The following RTN4RL1 variants were observed in gnomAD, a reference collection of about 807,000 sequenced individuals.
RTN4RL1 encodes the protein reticulon-4 receptor-like 1.
RTN4RL1 carries 7 observed loss-of-function variants against 25.6 expected under a neutral mutation model. That is an observed-to-expected ratio of 0.27 (90% CI 0.16 to 0.51). RTN4RL1 has a LOEUF of 0.51. RTN4RL1 is among the 20% of genes least tolerant of loss of function. The pLI, the probability that RTN4RL1 is intolerant of heterozygous loss-of-function variation, is 0.97. For synonymous variants in RTN4RL1, 297 were observed against 288.2 expected, an observed-to-expected ratio of 1.03 and a Z score of -0.31; for missense variants, 500 against 615.6, an observed-to-expected ratio of 0.81 and a Z score of 1.99.
chr17:1,947,915 C>T (rs1915590546), intron 1 of RTN4RL1, among the ~76,000 whole-genome samples: 1 of 152,180 alleles, frequency 6.6e-6, no homozygotes, highest in Non-Finnish European at 1.5e-5. Flanking sequence ...CGGCTGGCTC[C>T]TCAGGTGCAC....
At chr17:1,949,929 A>T (rs893093933) in intron 1 of RTN4RL1, among the ~76,000 whole-genome samples, 6 of 152,248 alleles carry the variant, frequency 3.9e-5, no homozygotes, top group African/African-American at 1.4e-4. Context: ...TTCCAGGCAG[A>T]GGGCACAGCA....
At position 2,017,063 on chromosome 17, in the gene RTN4RL1, A is replaced by G. The variant is rs560719515; in HGVS notation, c.13+7790T>C. Among the ~76,000 whole-genome samples the G allele has an allele frequency of 3.0e-4, 46 of 152,344 alleles. 2 individuals are homozygous for G. The South Asian group carries it at 8.5e-3, about 28-fold the overall frequency. ...TATCCCCATCATCCTATCGCCGTAT[A>G]AATAAATCATGGTCAGAAGAATGCC... On this transcript the variant is annotated intron_variant, in intron 1 of 1. Coordinates refer to ENST00000331238, the MANE Select transcript of RTN4RL1 (RefSeq NM_178568.4).
At chr17:1,957,394 G>T (rs1218472706) in intron 1 of RTN4RL1, among the ~76,000 whole-genome samples, 3 of 152,204 alleles carry the variant, frequency 2.0e-5, no homozygotes, top group Non-Finnish European at 2.9e-5. Context: ...CCGTGGGGAA[G>T]GGAAGGGGGT....
Position 1,935,755 on chromosome 17 carries a change from G to C in RTN4RL1, c.*741C>G. 4 of 227,578 alleles carry C rather than the reference G, an allele frequency of 1.8e-5. No individual in the cohort carries two copies. The highest frequency in any genetic ancestry group is 2.3e-5 in the Non-Finnish European group (4 of 171,434). 14.1% of individuals were successfully genotyped at this position (227,578 alleles called of 1,614,324 possible). A position where few individuals can be genotyped will look rare whatever the true frequency, so the allele number is the denominator to read the frequency against. On this transcript the variant is annotated 3_prime_UTR_variant, in exon 2 of 2. Transcript: ENST00000331238. Reference sequence around the variant, plus strand: ...TATATATATATATATATATATATATGTAGAGTGTGAATATATATAAGTGGA... The same window carrying C: ...TATATATATATATATATATATATATCTAGAGTGTGAATATATATAAGTGGA...
At position 1,970,415 on chromosome 17, in the gene RTN4RL1, C is replaced by T. The variant is rs374728481; in HGVS notation, c.14-32607G>A. 2.8e-3 allele frequency among the ~76,000 whole-genome samples: 433 copies of T among 152,280 alleles called. 2 individuals are homozygous for T. The highest frequency in any genetic ancestry group is 9.4e-3 in the African/African-American group (392 of 41,562). On this transcript the variant is annotated intron_variant, in intron 1 of 1. Coordinates refer to ENST00000331238, the MANE Select transcript of RTN4RL1 (RefSeq NM_178568.4). ...TGGCTCTGAGCTCCTAAAACCACAG[C>T]GTGAAACTGCCAGCCTTCTTAAGGC...
At chr17:1,981,490 C>A (rs1009884492) in intron 1 of RTN4RL1, among the ~76,000 whole-genome samples, 1 of 152,212 alleles carries the variant, frequency 6.6e-6, no homozygotes, top group East Asian at 1.9e-4. Context: ...GACTGCTGGG[C>A]CTTCCCTCCC....
intron 1 of RTN4RL1, among the ~76,000 whole-genome samples, chr17:1,964,920 C>T (rs2066783184): frequency 6.8e-6 from 1 of 148,010 alleles, no homozygotes; most frequent in African/African-American, 2.5e-5. Context: ...CTCTGAGTAA[C>T]TGGGACTACA....
At chr17:1,952,207 C>A (rs1318423582) in intron 1 of RTN4RL1, among the ~76,000 whole-genome samples, 1 of 152,108 alleles carries the variant, frequency 6.6e-6, no homozygotes, top group Non-Finnish European at 1.5e-5. Flanking sequence ...ACGAATACCC[C>A]CAGGGGAGTT....
chr17:1,972,823 T>C (rs190532452), intron 1 of RTN4RL1, among the ~76,000 whole-genome samples: 131 of 152,284 alleles, frequency 8.6e-4, no homozygotes, highest in African/African-American at 2.9e-3. Context: ...GATTCTGTTG[T>C]TTCCTGAATC....
intron 1 of RTN4RL1, among the ~76,000 whole-genome samples, chr17:2,007,158 C>A: frequency 6.6e-6 from 1 of 152,062 alleles, no homozygotes; most frequent in Admixed American, 6.6e-5. Context: ...ATCAAAATCA[C>A]ACAAATCCCC....
chr17:2,022,778 A>G (rs1294316088), intron 1 of RTN4RL1, among the ~76,000 whole-genome samples: 1 of 152,220 alleles, frequency 6.6e-6, no homozygotes, highest in Non-Finnish European at 1.5e-5. Context: ...CTTTGGGCCA[A>G]TCCAGGTGGA....
chr17:1,960,240 G>A (rs919851610), intron 1 of RTN4RL1, among the ~76,000 whole-genome samples: 4 of 108,620 alleles, frequency 3.7e-5, no homozygotes, highest in Non-Finnish European at 3.4e-5. Flanking sequence ...GACCTCTGCC[G>A]TGGCCACCCT....
rs1024807976 is a variant in RTN4RL1, at chr17:1,935,431, G to A, written c.*1065C>T. On this transcript the variant is annotated 3_prime_UTR_variant, in exon 2 of 2. Coordinates refer to ENST00000331238, the MANE Select transcript of RTN4RL1 (RefSeq NM_178568.4). ...GTGTTGCATATAAAAACAAGGTGAT[G>A]CTCTAAATATCTAAGAATATTGGTC... The A allele has an allele frequency of 3.1e-5, 15 of 476,196 alleles. No individual in the cohort carries two copies. The highest frequency in any genetic ancestry group is 3.8e-5 in the Non-Finnish European group (14 of 364,512). The allele number at this position is 476,196 out of a possible 1,614,324, so 29.5% of individuals were successfully genotyped here.
At chr17:1,955,426 C>T (rs533514091) in intron 1 of RTN4RL1, among the ~76,000 whole-genome samples, 2 of 151,778 alleles carry the variant, frequency 1.3e-5, no homozygotes, top group African/African-American at 4.8e-5. Flanking sequence ...TGTGGTGGCA[C>T]ATGCCTGTAA....
chr17:2,013,412 G>A (rs937063862), intron 1 of RTN4RL1, among the ~76,000 whole-genome samples: 4 of 152,238 alleles, frequency 2.6e-5, no homozygotes, highest in African/African-American at 9.6e-5. Context: ...CAGCTGCAAA[G>A]ACTTGCATTT....
chr17:1,936,814 G>A lies in RTN4RL1; in HGVS notation c.1008C>T (p.Thr336=). The A allele has an allele frequency of 6.3e-7, 1 of 1,583,836 alleles. No homozygotes were observed. The highest frequency in any genetic ancestry group is 8.6e-7 in the Non-Finnish European group (1 of 1,166,912). The change falls in exon 2 of 2, where the codon ACC becomes ACT. Residue 336 remains threonine, a synonymous_variant. Transcript: ENST00000331238. The part of the protein sequence containing the change: ...RKEHHSPHGP[T]RSKGHPHGPR... ...GGCCGTGCGGGTGGCCCTTGCTCCT[G>A]GTGGGGCCGTGGGGTGAGTGGTGTT... is the stretch of plus-strand genomic sequence containing the variant.
intron 1 of RTN4RL1, among the ~76,000 whole-genome samples, chr17:2,011,161 G>A (rs561730631): frequency 1.9e-4 from 29 of 152,308 alleles, no homozygotes; most frequent in Admixed American, 1.8e-3. Flanking sequence ...TGAGGCAGGA[G>A]AATGGCTTGA....
intron 1 of RTN4RL1, among the ~76,000 whole-genome samples, chr17:1,965,892 C>A (rs1026909631): frequency 6.6e-6 from 1 of 152,164 alleles, no homozygotes; most frequent in African/African-American, 2.4e-5. Context: ...GCCTTCCCCC[C>A]ACCCCTGAGA....
intron 1 of RTN4RL1, among the ~76,000 whole-genome samples, chr17:1,980,471 G>T (rs73290070): frequency 6.6e-6 from 1 of 151,962 alleles, no homozygotes; most frequent in African/African-American, 2.4e-5. Flanking sequence ...TCGGCTATTC[G>T]GTGGAGAGCA....
Sources: gnomAD v4.1 joint callset for allele counts (sites outside exome capture counted in the v4.1 genomes callset) on GRCh38, gnomAD v4.1.1 for gene constraint, MANE v1.5 for transcripts, NCBI Gene and HGNC (gene_info 2026-07-23, HGNC 2026-07-21) for gene names.